Variants in HSP90AA1 observed in about 807,000 individuals in gnomAD.
HSP90AA1 encodes heat shock protein 90 alpha family class A member 1, also known as heat shock protein HSP 90-alpha.
HSP90AA1 carries 18 observed loss-of-function variants against 73.3 expected under a neutral mutation model. The observed-to-expected ratio is 0.25, with a 90% CI of 0.17 to 0.36. The LOEUF is 0.36. Among genes scored for constraint, HSP90AA1 ranks in the 10% least tolerant of loss-of-function variants. HSP90AA1 has a pLI of 1.00. For missense variants in HSP90AA1, 704 were observed against 874.2 expected, an observed-to-expected ratio of 0.81 and a Z score of 2.45; for synonymous variants, 477 against 296.9, an observed-to-expected ratio of 1.61 and a Z score of -6.24.
chr14:102,084,219 G>C, intron 6 of HSP90AA1, 180 bp downstream of exon 6: 1 of 689,830 alleles, frequency 1.4e-6, no homozygotes, highest in Non-Finnish European at 2.5e-6. Context: ...GCTAATTTTT[G>C]TAATTTAGTA....
intron 1 of HSP90AA1, among the ~76,000 whole-genome samples, chr14:102,107,337 T>G (rs1026105509): frequency 1.3e-5 from 2 of 151,912 alleles, no homozygotes; most frequent in Non-Finnish European, 2.9e-5. Context: ...GGTTTGTTTG[T>G]TTTTTTGAGA....
intron 2 of HSP90AA1, among the ~76,000 whole-genome samples, chr14:102,098,759 G>A (rs924916661): frequency 1.3e-5 from 2 of 152,142 alleles, no homozygotes; most frequent in African/African-American, 4.8e-5. Flanking sequence ...GCAATGGCAC[G>A]ATCTTGGCTC....
At chr14:102,122,665 T>A (rs895264409) in intron 1 of HSP90AA1, among the ~76,000 whole-genome samples, 14 of 151,708 alleles carry the variant, frequency 9.2e-5, no homozygotes, top group African/African-American at 1.2e-4. Flanking sequence ...TTCTTTTTTT[T>A]ATTTTTTATA....
intron 2 of HSP90AA1, among the ~76,000 whole-genome samples, chr14:102,100,708 A>C (rs1207636182): frequency 6.6e-6 from 1 of 152,180 alleles, no homozygotes; most frequent in Non-Finnish European, 1.5e-5. Flanking sequence ...TACAGGCGTG[A>C]GCCACCATGC....
intron 1 of HSP90AA1, among the ~76,000 whole-genome samples, chr14:102,129,777 A>G (rs1212124895): frequency 1.3e-5 from 2 of 150,508 alleles, no homozygotes; most frequent in Admixed American, 1.4e-4. Context: ...TGCTGGGATT[A>G]CAGGCGTGAG....
rs570850144 is a variant in HSP90AA1, at chr14:102,087,021, C to A, written c.-36G>T. 6.0e-5 allele frequency: 59 copies of A among 985,420 alleles called. No individual in the cohort carries two copies. Among genetic ancestry groups the A allele is most frequent in the African/African-American group, 3.3e-4 (19 of 57,316 alleles). 61.0% of individuals were successfully genotyped at this position (985,420 alleles called of 1,614,324 possible). A position where few individuals can be genotyped will look rare whatever the true frequency, so the allele number is the denominator to read the frequency against. The stretch of plus-strand genomic sequence containing the variant: ...TGACCGCACAGGACCAACGGCACAG[C>A]CACACCGGGACGCTGAAGCAACTGA... On this transcript the variant is annotated 5_prime_UTR_variant, in exon 1 of 11. Transcript: ENST00000216281.
intron 4 of HSP90AA1, 96 bp downstream of exon 4, chr14:102,085,202 C>T: frequency 6.9e-7 from 1 of 1,459,518 alleles, no homozygotes. Flanking sequence ...CCCCAGGCTT[C>T]AGACTAGTTG....
intron 1 of HSP90AA1, among the ~76,000 whole-genome samples, chr14:102,105,522 G>C (rs1418706036): frequency 6.6e-6 from 1 of 152,170 alleles, no homozygotes. Context: ...TGTGTGCAAA[G>C]GCACAAAGGT....
At chr14:102,135,907 T>C (rs983096084) in intron 1 of HSP90AA1, among the ~76,000 whole-genome samples, 1 of 152,270 alleles carries the variant, frequency 6.6e-6, no homozygotes, top group Middle Eastern at 3.4e-3. Flanking sequence ...CACACCTCCC[T>C]GCAAGCTGAG....
intron 1 of HSP90AA1, among the ~76,000 whole-genome samples, chr14:102,103,363 C>T (rs980990078): frequency 6.6e-6 from 1 of 151,722 alleles, no homozygotes; most frequent in African/African-American, 2.4e-5. Context: ...ACTACAGCCG[C>T]ACACTACCAT....
upstream of HSP90AA1, among the ~76,000 whole-genome samples, chr14:102,087,792 G>A (rs1440987607): frequency 6.6e-6 from 1 of 152,120 alleles, no homozygotes; most frequent in African/African-American, 2.4e-5. Context: ...CCTTAGCTTG[G>A]GAATCGGGGA....
intron 1 of HSP90AA1, among the ~76,000 whole-genome samples, chr14:102,115,103 C>T (rs564850999): frequency 2.0e-5 from 3 of 149,978 alleles, no homozygotes; most frequent in South Asian, 2.1e-4. Context: ...GCCGAGATGG[C>T]GCCACTGCAC....
At chr14:102,100,310 G>GAATTCTCT (rs2049476266) in intron 2 of HSP90AA1, among the ~76,000 whole-genome samples, 1 of 152,132 alleles carries the variant, frequency 6.6e-6, no homozygotes, top group Non-Finnish European at 1.5e-5. Context: ...GGAGCGTCAG[G>GAATTCTCT]CTCACAGTGA....
Position 102,087,032 on chromosome 14 carries a change from C to T in HSP90AA1, c.-47G>A, listed in dbSNP as rs1417039550. ...GACCAACGGCACAGCCACACCGGGACGCTGAAGCAACTGACGCGCCACCCC... is the reference window on the plus strand; with the variant it reads ...GACCAACGGCACAGCCACACCGGGATGCTGAAGCAACTGACGCGCCACCCC... On this transcript the variant is annotated 5_prime_UTR_variant, in exon 1 of 11. Transcript: ENST00000216281. 3 of 985,440 alleles carry T rather than the reference C, an allele frequency of 3.0e-6. No homozygotes were observed. The highest frequency in any genetic ancestry group is 5.2e-4 in the Middle Eastern group (1 of 1,910). 61.0% of individuals were successfully genotyped at this position (985,440 alleles called of 1,614,324 possible). A position where few individuals can be genotyped will look rare whatever the true frequency, so the allele number is the denominator to read the frequency against.
At position 102,085,011 on chromosome 14, in the gene HSP90AA1, AC is replaced by A. The variant is rs1362627418; in HGVS notation, c.664-14del. ...GTTCCTTCTCCACCTTCAAAAGAAA[AC>A]ACGAAATCACATCACTGCTGCACTC... is the stretch of plus-strand genomic sequence containing the variant. On this transcript the variant is annotated splice_polypyrimidine_tract_variant and intron_variant, in intron 4 of 10. Coordinates refer to ENST00000216281, the MANE Select transcript of HSP90AA1 (RefSeq NM_005348.4). The A allele has an allele frequency of 6.2e-7, 1 of 1,613,932 alleles. No individual in the cohort carries two copies. The highest frequency in any genetic ancestry group is 1.7e-5 in the Admixed American group (1 of 60,006).
chr14:102,084,121 G>A, intron 6 of HSP90AA1, 138 bp from the exon 7 acceptor site: 2 of 790,056 alleles, frequency 2.5e-6, no homozygotes, highest in East Asian at 2.7e-5. Flanking sequence ...CCAGGCTGGA[G>A]GGCAGTGGCG....
At chr14:102,093,573 T>C (rs1025672207) in intron 2 of HSP90AA1, among the ~76,000 whole-genome samples, 1 of 151,996 alleles carries the variant, frequency 6.6e-6, no homozygotes, top group Non-Finnish European at 1.5e-5. Context: ...TGGAGCCAGA[T>C]TGTGAATTCT....
intron 1 of HSP90AA1, among the ~76,000 whole-genome samples, chr14:102,134,151 A>C (rs2049947288): frequency 5.7e-4 from 1 of 1,744 alleles, no homozygotes; most frequent in Admixed American, 0.013. Flanking sequence ...ACCTGTCTCA[A>C]AAAAAAAAAA....
chr14:102,084,589 T>A, intron 5 of HSP90AA1, 25 bp from the exon 6 acceptor site: 1 of 1,614,192 alleles, frequency 6.2e-7, no homozygotes, highest in Non-Finnish European at 8.5e-7. Flanking sequence ...ATACACTAAG[T>A]ACCAATGAAC....
Sources: gnomAD v4.1 joint callset for allele counts (sites outside exome capture counted in the v4.1 genomes callset) on GRCh38, gnomAD v4.1.1 for gene constraint, MANE v1.5 for transcripts, NCBI Gene and HGNC (gene_info 2026-07-23, HGNC 2026-07-21) for gene names.